Variants in PRELID2 observed in about 807,000 individuals in gnomAD.
The protein encoded by PRELID2 is PRELI domain containing 2.
A neutral mutation model predicts 28.4 loss-of-function variants in PRELID2; 25 were observed. The ratio of observed to expected loss-of-function variants is 0.88; its 90% CI spans 0.64 to 1.23. PRELID2 has a LOEUF of 1.23. PRELID2 is among the 50% of genes most tolerant of loss of function. The pLI, the probability that PRELID2 is intolerant of heterozygous loss-of-function variation, is 0.00. For synonymous variants in PRELID2, 76 were observed against 71.6 expected (o/e 1.06, Z -0.31); for missense variants, 201 against 214.4 (o/e 0.94, Z 0.39).
chr5:145,492,018 C>T (rs1417217859), intron 1 of PRELID2, among the ~76,000 whole-genome samples: 1 of 152,134 alleles, frequency 6.6e-6, no homozygotes, highest in African/African-American at 2.4e-5. Context: ...GTGCAGATAT[C>T]ATTTGACATA....
At chr5:145,540,034 T>G (rs1177396269) in intron 1 of PRELID2, among the ~76,000 whole-genome samples, 4 of 151,892 alleles carry the variant, frequency 2.6e-5, no homozygotes, top group Non-Finnish European at 5.9e-5. Flanking sequence ...GGAAAAAAAG[T>G]AAGTGAAAAT....
chr5:145,779,875 T>C (rs945985237), intron 5 of PRELID2, among the ~76,000 whole-genome samples: 2 of 152,230 alleles, frequency 1.3e-5, no homozygotes, highest in African/African-American at 4.8e-5. Context: ...TAAACAATTA[T>C]TTATAATGTC....
intron 4 of PRELID2, among the ~76,000 whole-genome samples, chr5:145,817,206 A>ATATATATATATATATATATATATAT (rs1423577359): frequency 1.6e-5 from 1 of 62,858 alleles, no homozygotes; most frequent in Non-Finnish European, 4.1e-5. Flanking sequence ...AAAATAAATA[A>ATATATATATATATATATATATATAT]ATAAATAAAA....
At chr5:145,499,705 A>G (rs1247337439) in intron 1 of PRELID2, among the ~76,000 whole-genome samples, 2 of 152,182 alleles carry the variant, frequency 1.3e-5, no homozygotes, top group African/African-American at 4.8e-5. Flanking sequence ...AGGGATCATC[A>G]AGTACCTTCT....
chr5:145,300,662 C>T, the PRELID2 span, among the ~76,000 whole-genome samples: 1 of 148,952 alleles, frequency 6.7e-6, no homozygotes, highest in Admixed American at 6.7e-5. Flanking sequence ...TTACAAGTAA[C>T]ATTATAACTA....
At chr5:145,338,522 T>C in the PRELID2 span, 1 of 152,262 alleles carries the variant, frequency 6.6e-6, no homozygotes, top group South Asian at 2.1e-4. Context: ...CTGTTTTACC[T>C]GTTAGGAAGT....
At chr5:145,619,630 G>T (rs1753747309) in intron 1 of PRELID2, among the ~76,000 whole-genome samples, 1 of 152,234 alleles carries the variant, frequency 6.6e-6, no homozygotes, top group South Asian at 2.1e-4. Context: ...ATTTATTCCT[G>T]CGGTCATTCT....
At chr5:145,729,347 G>T in intron 1 of PRELID2, 2 of 717,394 alleles carry the variant, frequency 2.8e-6, no homozygotes, top group South Asian at 2.1e-5. Context: ...CCCATATCAT[G>T]CCTCTGTTCT....
intron 5 of PRELID2, among the ~76,000 whole-genome samples, chr5:145,792,726 GA>G (rs974299183): frequency 2.7e-5 from 4 of 149,372 alleles, no homozygotes; most frequent in Admixed American, 1.3e-4. Flanking sequence ...TTGAGGGAGA[GA>G]AAAAAAAACA....
chr5:145,565,148 G>A (rs927682912), intron 1 of PRELID2, among the ~76,000 whole-genome samples: 2 of 152,176 alleles, frequency 1.3e-5, no homozygotes, highest in Non-Finnish European at 2.9e-5. Flanking sequence ...ACCCTTATAA[G>A]AGCATTTTTG....
chr5:145,238,965 C>G, the PRELID2 span, among the ~76,000 whole-genome samples: 1 of 151,898 alleles, frequency 6.6e-6, no homozygotes, highest in African/African-American at 2.4e-5. Context: ...CTATCTGTCT[C>G]TATCTATCTA....
At position 145,808,867 on chromosome 5, in the gene PRELID2, G is replaced by A. The variant is rs563201106; in HGVS notation, c.368+9027C>T. 5.3e-5 allele frequency among the ~76,000 whole-genome samples: 8 copies of A among 149,694 alleles called. No individual in the cohort carries two copies. The East Asian group carries it at 1.6e-3, about 29-fold the overall frequency. On this transcript the variant is annotated intron_variant, in intron 4 of 6. Transcript: ENST00000683046. ...TTACTGCACTCCAGCCTGGGCAACAGAGGGACCCTGTCTTACAAAAAAAAG... is the reference window on the plus strand; with the variant it reads ...TTACTGCACTCCAGCCTGGGCAACAAAGGGACCCTGTCTTACAAAAAAAAG...
At chr5:145,373,408 T>C in the PRELID2 span, among the ~76,000 whole-genome samples, 1 of 72,354 alleles carries the variant, frequency 1.4e-5, no homozygotes, top group African/African-American at 5.4e-5. Context: ...TATTATATAT[T>C]ACAACATATA....
chr5:145,813,018 A>G (rs1272800278), intron 4 of PRELID2, among the ~76,000 whole-genome samples: 1 of 152,228 alleles, frequency 6.6e-6, no homozygotes, highest in Non-Finnish European at 1.5e-5. Context: ...AAGAGGACAT[A>G]GAGCAAGGCT....
intron 1 of PRELID2, among the ~76,000 whole-genome samples, chr5:145,740,722 T>C (rs1472837550): frequency 8.4e-6 from 1 of 118,766 alleles, no homozygotes; most frequent in South Asian, 2.4e-4. Context: ...ATAAATATAT[T>C]ACATTAAATA....
intron 1 of PRELID2, among the ~76,000 whole-genome samples, chr5:145,531,723 G>T (rs914675044): frequency 1.3e-5 from 2 of 152,106 alleles, no homozygotes; most frequent in Non-Finnish European, 2.9e-5. Flanking sequence ...ATGCAGAGAA[G>T]GATCATCAGG....
At chr5:145,346,128 C>T in the PRELID2 span, among the ~76,000 whole-genome samples, 8 of 152,222 alleles carry the variant, frequency 5.3e-5, no homozygotes, top group East Asian at 1.4e-3. Context: ...CTTTGAAATT[C>T]TGTTTATTCA....
chr5:145,287,124 G>C, the PRELID2 span, among the ~76,000 whole-genome samples: 1 of 151,936 alleles, frequency 6.6e-6, no homozygotes, highest in African/African-American at 2.4e-5. Flanking sequence ...TTATCCATTG[G>C]GGATACATTC....
chr5:145,241,724 T>C, the PRELID2 span, among the ~76,000 whole-genome samples: 4 of 152,020 alleles, frequency 2.6e-5, no homozygotes, highest in Admixed American at 2.6e-4. Flanking sequence ...TATTCCACAT[T>C]CTGGCTCCAG....
Sources: gnomAD v4.1 joint callset for allele counts (sites outside exome capture counted in the v4.1 genomes callset) on GRCh38, gnomAD v4.1.1 for gene constraint, MANE v1.5 for transcripts, NCBI Gene and HGNC (gene_info 2026-07-23, HGNC 2026-07-21) for gene names.